The following CDH6 variants were observed in gnomAD, a reference collection of about 807,000 sequenced individuals.
CDH6 encodes the protein cadherin 6.
A neutral mutation model predicts 78.0 loss-of-function variants in CDH6; 31 were observed. The observed-to-expected ratio is 0.40, with a 90% confidence interval of 0.30 to 0.54. CDH6 has a LOEUF of 0.54. Among genes scored for constraint, CDH6 ranks in the 20% least tolerant of loss-of-function variants. CDH6 has a pLI of 0.56. For missense variants in CDH6, 724 were observed against 975.9 expected (o/e 0.74, Z 3.44); for synonymous variants, 376 against 368.8 (o/e 1.02, Z -0.23).
chr5:31,282,445 C>T (rs1476189976), intron 2 of CDH6, among the ~76,000 whole-genome samples: 1 of 152,090 alleles, frequency 6.6e-6, no homozygotes, highest in Non-Finnish European at 1.5e-5. Flanking sequence ...CCTATCATCA[C>T]ATTTCCATCT....
intron 2 of CDH6, among the ~76,000 whole-genome samples, chr5:31,281,304 A>C (rs1742856832): frequency 6.9e-6 from 1 of 144,348 alleles, no homozygotes; most frequent in African/African-American, 2.6e-5. Context: ...AAAGAGAAAG[A>C]GAGAGAGAGG....
intron 1 of CDH6, among the ~76,000 whole-genome samples, chr5:31,230,936 A>T (rs936356060): frequency 1.3e-5 from 2 of 152,214 alleles, no homozygotes; most frequent in Admixed American, 1.3e-4. Context: ...AGACGAACAA[A>T]CTCTTTAAAA....
At chr5:31,245,953 G>C (rs1227535365) in intron 1 of CDH6, among the ~76,000 whole-genome samples, 2 of 138,818 alleles carry the variant, frequency 1.4e-5, no homozygotes, top group Non-Finnish European at 3.0e-5. Context: ...CGTCACCCAG[G>C]CTGGAGTGCA....
intron 7 of CDH6, among the ~76,000 whole-genome samples, chr5:31,308,583 A>G (rs933523516): frequency 1.2e-4 from 19 of 152,128 alleles, no homozygotes; most frequent in Non-Finnish European, 2.4e-4. Flanking sequence ...GGAAAAAACA[A>G]CAAACAAGCA....
intron 1 of CDH6, among the ~76,000 whole-genome samples, chr5:31,238,663 A>G (rs1219554520): frequency 6.6e-6 from 1 of 152,182 alleles, no homozygotes. Context: ...TAAAATAGTG[A>G]GATATTTTAC....
chr5:31,255,354 T>G (rs1742028172), intron 1 of CDH6, among the ~76,000 whole-genome samples: 1 of 152,246 alleles, frequency 6.6e-6, no homozygotes, highest in Non-Finnish European at 1.5e-5. Flanking sequence ...GAATGTGATT[T>G]TTTTCTGCTT....
In CDH6 at chr5:31,288,047, G is replaced by C. The variant is rs553926941; in HGVS notation, c.229-5915G>C. ...CTTGGGCACTGTTCTCATCAGCCTG[G>C]TGGAAACCAGGTCACTGCCTCATTT... On this transcript the variant is annotated intron_variant, in intron 2 of 11. Coordinates refer to ENST00000265071, the MANE Select transcript of CDH6 (RefSeq NM_004932.4). 2.0e-5 allele frequency among the ~76,000 whole-genome samples: 3 copies of C among 152,308 alleles called. No homozygotes were observed. The South Asian group carries it at 6.2e-4, about 32-fold the overall frequency.
chr5:31,296,919 G>C (rs1218713375), intron 3 of CDH6, among the ~76,000 whole-genome samples: 1 of 152,040 alleles, frequency 6.6e-6, no homozygotes, highest in East Asian at 1.9e-4. Flanking sequence ...CCCCTGATTG[G>C]ACAATTCCTA....
At chr5:31,220,508 A>G (rs1312432889) in intron 1 of CDH6, among the ~76,000 whole-genome samples, 1 of 152,168 alleles carries the variant, frequency 6.6e-6, no homozygotes, top group Non-Finnish European at 1.5e-5. Flanking sequence ...AGGCATTGCT[A>G]AGGACCAAGT....
chr5:31,217,970 G>A (rs1469753782), intron 1 of CDH6, among the ~76,000 whole-genome samples: 3 of 152,156 alleles, frequency 2.0e-5, no homozygotes, highest in South Asian at 2.1e-4. Flanking sequence ...GCTAAAATTC[G>A]ATATTTAGTA....
intron 1 of CDH6, among the ~76,000 whole-genome samples, chr5:31,237,031 CAGAAAAATAACTTTTTGGCAAGAT>C (rs1741472689): frequency 6.6e-6 from 1 of 152,064 alleles, no homozygotes; most frequent in African/African-American, 2.4e-5. Context: ...TTTGAACATG[CAGAAAAATAACTTTTTGGCAAGAT>C]AGTATGTTTT....
At chr5:31,279,199 C>T (rs2149939388) in intron 2 of CDH6, among the ~76,000 whole-genome samples, 1 of 152,264 alleles carries the variant, frequency 6.6e-6, no homozygotes, top group East Asian at 1.9e-4. Context: ...TGACTGGCCG[C>T]CTTAACACAT....
rs73758192 is a variant in CDH6 at position 31,276,506 on chromosome 5, C to T, written c.228+8805C>T. Among the ~76,000 whole-genome samples the T allele has an allele frequency of 3.2e-3, 494 of 152,152 alleles. 2 individuals carry two copies. Among genetic ancestry groups the T allele is most frequent in the African/African-American group, 0.011 (471 of 41,516 alleles). On this transcript the variant is annotated intron_variant, in intron 2 of 11. Coordinates refer to ENST00000265071, the MANE Select transcript of CDH6 (RefSeq NM_004932.4). ...TGGTGTGTTTCAAAGGACTTGAGGG[C>T]AGTGATAAGGGCATAATAAAAAGCT...
chr5:31,302,790 GA>G lies in CDH6; in HGVS notation c.999+493del, dbSNP rs1737816489. On this transcript the variant is annotated intron_variant, in intron 6 of 11. Transcript: ENST00000265071. Reference sequence around the variant, plus strand: ...GAAAGAAAGAAGAAAGAGAGAGAGAGAGAGAGAGAGAAAGAAAGAAAGAAAG... The same window carrying G: ...GAAAGAAAGAAGAAAGAGAGAGAGAGGAGAGAGAGAAAGAAAGAAAGAAAG... Among the ~76,000 whole-genome samples the G allele has an allele frequency of 3.1e-5, 3 of 95,320 alleles. 1 individual carries two copies. Among genetic ancestry groups the G allele is most frequent in the South Asian group, 7.5e-4 (2 of 2,652 alleles). The allele number at this position is 95,320 out of a possible 152,430, so 62.5% of individuals were successfully genotyped here.
intron 1 of CDH6, among the ~76,000 whole-genome samples, chr5:31,218,834 G>C (rs996631858): frequency 2.6e-5 from 4 of 152,138 alleles, no homozygotes; most frequent in Non-Finnish European, 5.9e-5. Context: ...TGCTTCAAAA[G>C]CTCCCGTGGT....
intron 2 of CDH6, among the ~76,000 whole-genome samples, chr5:31,269,769 T>C (rs1024577949): frequency 3.9e-5 from 6 of 152,224 alleles, no homozygotes; most frequent in African/African-American, 1.2e-4. Context: ...ACTGGATTCG[T>C]TGGATTTGGA....
At chr5:31,292,594 AG>A (rs1454132555) in intron 2 of CDH6, among the ~76,000 whole-genome samples, 1 of 152,042 alleles carries the variant, frequency 6.6e-6, no homozygotes, top group East Asian at 1.9e-4. Flanking sequence ...AATTGAAACA[AG>A]GTAGAGAGTA....
At chr5:31,235,092 T>C (rs1741415046) in intron 1 of CDH6, among the ~76,000 whole-genome samples, 1 of 152,106 alleles carries the variant, frequency 6.6e-6, no homozygotes, top group Non-Finnish European at 1.5e-5. Flanking sequence ...AGTTGCCAAA[T>C]ATCCAGCTGA....
chr5:31,302,378 T>G, intron 6 of CDH6, 80 bp downstream of exon 6: 1 of 1,022,726 alleles, frequency 9.8e-7, no homozygotes, highest in Non-Finnish European at 1.5e-6. Flanking sequence ...GGCAATTATA[T>G]CTCACATAAA....
Sources: gnomAD v4.1 joint callset for allele counts (sites outside exome capture counted in the v4.1 genomes callset) on GRCh38, gnomAD v4.1.1 for gene constraint, MANE v1.5 for transcripts, NCBI Gene and HGNC (gene_info 2026-07-23, HGNC 2026-07-21) for gene names.